LAMC2: variants seen among roughly 807,000 people sequenced by gnomAD.
LAMC2 encodes laminin subunit gamma 2, also known as laminin subunit gamma-2.
Under a neutral mutation model 140.2 loss-of-function variants are expected in LAMC2, and 97 were observed. The observed-to-expected ratio is 0.69, with a 90% CI of 0.59 to 0.82. LAMC2 has a LOEUF of 0.82. Ranked by LOEUF, LAMC2 falls within the 40% of genes least tolerant of loss-of-function variation. The pLI is 0.00. For synonymous variants in LAMC2, 513 were observed against 540.2 expected, an observed-to-expected ratio of 0.95 and a Z score of 0.70; for missense variants, 1,402 against 1,476.1, an observed-to-expected ratio of 0.95 and a Z score of 0.82.
the LAMC2 span, chr1:183,251,860 GC>G: frequency 6.1e-6 from 1 of 163,582 alleles, no homozygotes; most frequent in Non-Finnish European, 1.3e-5. Flanking sequence ...AAAGGTTGCT[GC>G]TGCTGCTGCT....
At position 183,226,717 on chromosome 1, in the gene LAMC2, T is replaced by C. The variant is rs1253886433; in HGVS notation, c.1086T>C (p.Asn362=). 6.2e-7 allele frequency: 1 copy of C among 1,614,190 alleles called. No homozygotes were observed. Among genetic ancestry groups the C allele is most frequent in the East Asian group, 2.2e-5 (1 of 44,884 alleles). ...TTGCAGGTACTGGGTACATTGACAA[T>C]GTGACCCTGATTTCAGCCCGCCCTG... ...YGEYSTGYID[N]VTLISARPVS... is the part of the protein sequence containing the mutation. Residue 362 remains asparagine, a synonymous_variant, in exon 9 of 23, where the codon AAT becomes AAC. Transcript: ENST00000264144.
Position 183,243,710 on chromosome 1 carries a change from G to T in LAMC2, c.*310G>T, listed in dbSNP as rs599630. 1.4e-5 allele frequency: 6 copies of T among 420,536 alleles called. No individual in the cohort carries two copies. Among genetic ancestry groups the T allele is most frequent in the Non-Finnish European group, 2.7e-5 (6 of 225,748 alleles). 26.1% of individuals were successfully genotyped at this position (420,536 alleles called of 1,614,324 possible). A position where few individuals can be genotyped will look rare whatever the true frequency, so the allele number is the denominator to read the frequency against. ...GGCAGATGTTTGCCTCATAATAGTCGTAAGTGGAGTCCTGGAATTTGGACA... is the reference window on the plus strand; with the variant it reads ...GGCAGATGTTTGCCTCATAATAGTCTTAAGTGGAGTCCTGGAATTTGGACA... On this transcript the variant is annotated 3_prime_UTR_variant, in exon 23 of 23. Transcript: ENST00000264144.
intron 13 of LAMC2, 47 bp downstream of exon 13, chr1:183,232,390 TAGA>T (rs1171954479): frequency 6.2e-7 from 1 of 1,600,810 alleles, no homozygotes; most frequent in African/African-American, 1.3e-5. Context: ...TTCATAGTCC[TAGA>T]AGGAATGGCT....
At chr1:183,211,953 G>A (rs1052399252) in intron 2 of LAMC2, among the ~76,000 whole-genome samples, 4 of 151,694 alleles carry the variant, frequency 2.6e-5, no homozygotes, top group African/African-American at 9.7e-5. Context: ...AAAACCAATT[G>A]TTCACAATCC....
the LAMC2 span, among the ~76,000 whole-genome samples, chr1:183,253,986 A>T: frequency 6.6e-6 from 1 of 151,532 alleles, no homozygotes; most frequent in African/African-American, 2.4e-5. Flanking sequence ...CTATTCATCC[A>T]TTGATGGACG....
At chr1:183,207,833 G>GAGTTT (rs1553264600) in intron 1 of LAMC2, 48 bp from the exon 2 acceptor site, 4 of 1,074,042 alleles carry the variant, frequency 3.7e-6, no homozygotes, top group South Asian at 2.5e-5. Context: ...AGTTCCTGAG[G>GAGTTT]TGTTTTTTTT....
chr1:183,225,532 C>T (rs893131085), intron 7 of LAMC2, 76 bp from the exon 8 acceptor site: 1 of 1,028,276 alleles, frequency 9.7e-7, no homozygotes, highest in East Asian at 2.4e-5. Context: ...GTTCCCGTAT[C>T]CTCAGGCATA....
intron 1 of LAMC2, among the ~76,000 whole-genome samples, chr1:183,205,311 A>G (rs1176669443): frequency 6.6e-6 from 1 of 152,232 alleles, no homozygotes; most frequent in Non-Finnish European, 1.5e-5. Flanking sequence ...ATTTCACAGC[A>G]CATGACAGCT....
At chr1:183,194,295 G>T (rs657869) in intron 1 of LAMC2, among the ~76,000 whole-genome samples, 47,450 of 150,378 alleles carry the variant, frequency 0.32, 7,769 homozygotes, top group East Asian at 0.44. Flanking sequence ...ATAAATGCAC[G>T]CCATGCATAT....
At position 183,218,314 on chromosome 1, in the gene LAMC2, G is replaced by A. The variant is rs1225987662; in HGVS notation, c.405-76G>A. On this transcript the variant is annotated intron_variant, in intron 3 of 22. Coordinates refer to ENST00000264144, the MANE Select transcript of LAMC2 (RefSeq NM_005562.3). Reference sequence around the variant, plus strand: ...GCCCAGCTTCGTGATGTTTGCTCATGAGCAGTTGATTTTTATGTGCATAGT... The same window carrying A: ...GCCCAGCTTCGTGATGTTTGCTCATAAGCAGTTGATTTTTATGTGCATAGT... The A allele has an allele frequency of 9.5e-6, 11 of 1,157,048 alleles. No individual in the cohort carries two copies. The Admixed American group carries it at 1.7e-4, about 18-fold the overall frequency. 71.7% of individuals were successfully genotyped at this position (1,157,048 alleles called of 1,614,324 possible).
intron 2 of LAMC2, among the ~76,000 whole-genome samples, chr1:183,214,933 T>G (rs10911282): frequency 0.26 from 39,276 of 152,032 alleles, 5,873 homozygotes; most frequent in African/African-American, 0.39. Flanking sequence ...ACATCTCACT[T>G]GGGGGCGTAC....
At chr1:183,194,138 T>C (rs963095241) in intron 1 of LAMC2, among the ~76,000 whole-genome samples, 2 of 152,080 alleles carry the variant, frequency 1.3e-5, no homozygotes, top group African/African-American at 2.4e-5. Flanking sequence ...CAGCCTGGTC[T>C]CGAACTCCTG....
At position 183,220,846 on chromosome 1, in the gene LAMC2, T is replaced by A; in HGVS notation, c.525T>A (p.Asn175Lys). 1.9e-6 allele frequency: 3 copies of A among 1,614,040 alleles called. No homozygotes were observed. Among genetic ancestry groups the A allele is most frequent in the Non-Finnish European group, 2.5e-6 (3 of 1,179,868 alleles). Residue 175 changes from asparagine to lysine, a missense_variant, in exon 5 of 23, where the codon AAT (asparagine) becomes AAA (lysine). Around this residue, in one of 3 missense-constraint regions of LAMC2, gnomAD observed 723 missense variants for 783.3 expected, o/e 0.92. Transcript: ENST00000264144. Reference protein sequence around the residue: ...RCDRCRSGYYNLDGGNPEGCT... With the variant: ...RCDRCRSGYYKLDGGNPEGCT... ...GCAGGTGTCGATCAGGTTACTATAATCTGGATGGGGGGAACCCTGAGGGCT... is the reference window on the plus strand; with the variant it reads ...GCAGGTGTCGATCAGGTTACTATAAACTGGATGGGGGGAACCCTGAGGGCT...
chr1:183,256,665 A>G, the LAMC2 span, among the ~76,000 whole-genome samples: 1 of 152,208 alleles, frequency 6.6e-6, no homozygotes, highest in East Asian at 1.9e-4. Context: ...ATCATCATGT[A>G]TAAGCTTCAT....
intron 1 of LAMC2, among the ~76,000 whole-genome samples, chr1:183,205,784 GAAT>G (rs1571509748): frequency 6.7e-6 from 1 of 148,586 alleles, no homozygotes; most frequent in South Asian, 2.2e-4. Context: ...ATAAATAAAA[GAAT>G]AAAAAGAGAG....
chr1:183,220,858 G>A lies in LAMC2; in HGVS notation c.537G>A (p.Gly179=), dbSNP rs1558089856. 1.2e-6 allele frequency: 2 copies of A among 1,613,786 alleles called. No individual in the cohort carries two copies. Among genetic ancestry groups the A allele is most frequent in the African/African-American group, 1.3e-5 (1 of 75,034 alleles). Residue 179 remains glycine, a synonymous_variant, in exon 5 of 23, where the codon GGG becomes GGA. Transcript: ENST00000264144. ...CRSGYYNLDG[G]NPEGCTQCFC... ...CAGGTTACTATAATCTGGATGGGGG[G>A]AACCCTGAGGGCTGTACCCAGTGTT...
At chr1:183,208,675 T>TTTTTG (rs1264722891) in intron 2 of LAMC2, among the ~76,000 whole-genome samples, 1 of 151,996 alleles carries the variant, frequency 6.6e-6, no homozygotes, top group African/African-American at 2.4e-5. Flanking sequence ...CTAGTTTGTT[T>TTTTTG]TTTTGTTTTG....
Position 183,232,179 on chromosome 1 carries a change from G to C in LAMC2, c.1858-8G>C, listed in dbSNP as rs1558095281. The C allele has an allele frequency of 6.2e-7, 1 of 1,613,530 alleles. No homozygotes were observed. Among genetic ancestry groups the C allele is most frequent in the Admixed American group, 1.7e-5 (1 of 60,020 alleles). On this transcript the variant is annotated splice_region_variant and splice_polypyrimidine_tract_variant and intron_variant, in intron 12 of 22. Coordinates refer to ENST00000264144, the MANE Select transcript of LAMC2 (RefSeq NM_005562.3). The stretch of plus-strand genomic sequence containing the variant: ...ACCCTCGTTCTGATCTTTCCTGTGT[G>C]GTTTCAGATGGATCAGTTTATGCAG...
In LAMC2 at chr1:183,237,686, G is replaced by A. The variant is rs552513915; in HGVS notation, c.2754+182G>A. ...TTGAACTCAGGAGTTTGAGACCAGC[G>A]TAGGCAACGTAGTGAGGCCCCCATC... On this transcript the variant is annotated intron_variant, in intron 18 of 22. Transcript: ENST00000264144. Among the ~76,000 whole-genome samples, 101 of 152,108 alleles carry A rather than the reference G, an allele frequency of 6.6e-4. No individual in the cohort carries two copies. In the South Asian group the frequency reaches 8.3e-3, roughly 13 times the overall value.
Sources: gnomAD v4.1 joint callset for allele counts (sites outside exome capture counted in the v4.1 genomes callset) on GRCh38, gnomAD v4.1.1 for gene constraint, gnomAD v4.1.1 regional missense constraint, MANE v1.5 for transcripts, NCBI Gene and HGNC (gene_info 2026-07-23, HGNC 2026-07-21) for gene names.